The following TASOR2 variants were observed in gnomAD, a reference collection of about 807,000 sequenced individuals.
TASOR2 encodes the protein transcription activation suppressor family member 2.
TASOR2 carries 84 observed loss-of-function variants against 199.5 expected under a neutral mutation model. The ratio of observed to expected loss-of-function variants is 0.42; its 90% CI spans 0.35 to 0.50. TASOR2 has a LOEUF of 0.50. TASOR2 is among the 20% of genes least tolerant of loss of function. TASOR2 has a pLI of 0.02. For synonymous variants in TASOR2, 1,103 were observed against 1,046.6 expected, an observed-to-expected ratio of 1.05 and a Z score of -1.04; for missense variants, 2,796 against 2,835.9, an observed-to-expected ratio of 0.99 and a Z score of 0.32.
chr10:5,691,331 T>G (rs1408689320), intron 1 of TASOR2, among the ~76,000 whole-genome samples: 1 of 152,218 alleles, frequency 6.6e-6, no homozygotes, highest in Non-Finnish European at 1.5e-5. Flanking sequence ...AAATACTTTT[T>G]GTGGTAGACT....
Position 5,697,584 on chromosome 10 carries a change from C to G in TASOR2, c.-288+12409C>G, listed in dbSNP as rs138010825. On this transcript the variant is annotated intron_variant, in intron 1 of 20. Coordinates refer to ENST00000328090, the Ensembl canonical transcript of TASOR2. Reference sequence around the variant, plus strand: ...AGTACTCCTAGAAATGAGTGCATAACCTTGGAAAGCAAGGGTTGTGTCTCT... The same window carrying G: ...AGTACTCCTAGAAATGAGTGCATAAGCTTGGAAAGCAAGGGTTGTGTCTCT... Among the ~76,000 whole-genome samples, 14 of 152,170 alleles carry G rather than the reference C, an allele frequency of 9.2e-5. 2 individuals are homozygous for G. The East Asian group carries it at 2.7e-3, about 29-fold the overall frequency.
At chr10:5,693,929 T>C (rs1836807344) in intron 1 of TASOR2, among the ~76,000 whole-genome samples, 1 of 151,984 alleles carries the variant, frequency 6.6e-6, no homozygotes, top group Non-Finnish European at 1.5e-5. Context: ...CTGGGGAAAA[T>C]AGACCTCTCC....
chr10:5,697,599 G>T (rs1406906055), intron 1 of TASOR2, among the ~76,000 whole-genome samples: 1 of 152,118 alleles, frequency 6.6e-6, no homozygotes, highest in African/African-American at 2.4e-5. Context: ...GAAAGCAAGG[G>T]TTGTGTCTCT....
exon 18 of TASOR2, chr10:5,758,981 A>G (rs1839381338): frequency 1.2e-6 from 2 of 1,611,886 alleles, no homozygotes; most frequent in East Asian, 4.5e-5. Context: ...AAAAGCTAAA[A>G]GAAGATGAAA....
exon 3 of TASOR2, chr10:5,717,667 A>G (rs1252970273): frequency 8.2e-7 from 1 of 1,217,560 alleles, no homozygotes; most frequent in African/African-American, 1.6e-5. Flanking sequence ...AGGTGTATAC[A>G]TTTCCAAATA....
intron 1 of TASOR2, among the ~76,000 whole-genome samples, chr10:5,691,880 T>C (rs1836464160): frequency 6.6e-6 from 1 of 152,190 alleles, no homozygotes; most frequent in African/African-American, 2.4e-5. Context: ...TGTGAAGTAT[T>C]AAAAAACCAT....
intron 15 of TASOR2, among the ~76,000 whole-genome samples, chr10:5,755,158 T>C (rs2131645538): frequency 6.6e-6 from 1 of 152,052 alleles, no homozygotes; most frequent in Admixed American, 6.5e-5. Flanking sequence ...GTCAAATAAA[T>C]GAAGACTAGA....
intron 12 of TASOR2, 135 bp downstream of exon 13, chr10:5,735,681 T>TA: frequency 1.8e-6 from 2 of 1,118,594 alleles, no homozygotes; most frequent in Non-Finnish European, 2.4e-6. Context: ...GTTCAGACAT[T>TA]AAAAAAACTA....
chr10:5,747,927 A>G, exon 15 of TASOR2: 2 of 1,613,828 alleles, frequency 1.2e-6, no homozygotes, highest in Non-Finnish European at 1.7e-6. Context: ...TAACTGAGGA[A>G]ATTGTCTCAA....
At chr10:5,761,553 G>A (rs913908845) in intron 19 of TASOR2, 82 bp downstream of exon 20, 9 of 1,207,560 alleles carry the variant, frequency 7.5e-6, no homozygotes, top group African/African-American at 3.0e-5. Context: ...CTGATGAAGA[G>A]TATCAGGTAT....
chr10:5,699,312 G>A lies in TASOR2; in HGVS notation c.-287-13511G>A, dbSNP rs1169736033. ...CCGAAAGTAAATTATGGTTTCCTAG[G>A]CCTAGGAACCAGTGAGGGGTGAGGA... On this transcript the variant is annotated intron_variant, in intron 1 of 20. Transcript: ENST00000328090. This position sits in a 1 kb window ranked among gnomAD's most constrained non-coding sequence, Gnocchi z 4.1. 2 of 152,116 alleles carry A rather than the reference G, an allele frequency of 1.3e-5. No homozygotes were observed. The highest frequency in any genetic ancestry group is 4.8e-5 in the African/African-American group (2 of 41,422). 9.4% of individuals were successfully genotyped at this position (152,116 alleles called of 1,614,324 possible).
At chr10:5,693,182 A>G (rs1423711341) in intron 1 of TASOR2, among the ~76,000 whole-genome samples, 1 of 152,152 alleles carries the variant, frequency 6.6e-6, no homozygotes, top group East Asian at 1.9e-4. Flanking sequence ...CGAAGGCTTA[A>G]CTTCACTCCT....
At chr10:5,723,762 T>A (rs762944149) in exon 7 of TASOR2, 18 of 1,601,458 alleles carry the variant, frequency 1.1e-5, no homozygotes, top group Non-Finnish European at 1.5e-5. Flanking sequence ...AAAACAGAAT[T>A]ACTTGGAGGA....
At chr10:5,727,035 C>T in intron 9 of TASOR2, 26 bp from the exon 11 acceptor site, 1 of 1,613,894 alleles carries the variant, frequency 6.2e-7, no homozygotes, top group South Asian at 1.1e-5. Flanking sequence ...CCTAACTTTT[C>T]TTCTTCTGAT....
At position 5,752,003 on chromosome 10, in the gene TASOR2, T is replaced by C. The variant is rs1043354740; in HGVS notation, c.6606+1976T>C. On this transcript the variant is annotated intron_variant, in intron 15 of 20. Transcript: ENST00000328090. This position sits in a 1 kb window ranked among gnomAD's most constrained non-coding sequence, Gnocchi z 4.4. Reference sequence around the variant, plus strand: ...GTCCCTCCCAAGTCCCCCTCCCCCATCCTCCTCCCAACCCCAGGTATAATG... The same window carrying C: ...GTCCCTCCCAAGTCCCCCTCCCCCACCCTCCTCCCAACCCCAGGTATAATG... Among the ~76,000 whole-genome samples, 4 of 149,894 alleles carry C rather than the reference T, an allele frequency of 2.7e-5. No homozygotes were observed. In the East Asian group the frequency reaches 8.1e-4, roughly 30 times the overall value.
rs1835939423 is a variant in TASOR2, at chr10:5,687,589, G to C, written c.-288+2414G>C. On this transcript the variant is annotated intron_variant, in intron 1 of 20. Coordinates refer to ENST00000328090, the Ensembl canonical transcript of TASOR2. The surrounding 1 kb of genome is among the most constrained non-coding windows in gnomAD (Gnocchi z 4.8). ...AATCCCAGCACTTTGGGAGGCCAAG[G>C]CAGGTGGATCACTTGAGGTCAGGAG... Among the ~76,000 whole-genome samples the C allele has an allele frequency of 6.6e-6, 1 of 152,252 alleles. No individual in the cohort carries two copies. Among genetic ancestry groups the C allele is most frequent in the Admixed American group, 6.5e-5 (1 of 15,286 alleles).
Position 5,742,816 on chromosome 10 carries a change from A to G in TASOR2, c.2757+290A>G, listed in dbSNP as rs944725684. ...TTTGGGGCAAATTGCTTCTTTGCCT[A>G]ATTTTTAAAAGAGGTGACTTAATAC... On this transcript the variant is annotated intron_variant, in intron 14 of 20. Transcript: ENST00000328090. The surrounding 1 kb of genome is among the most constrained non-coding windows in gnomAD (Gnocchi z 4.2). Among the ~76,000 whole-genome samples, 3 of 152,206 alleles carry G rather than the reference A, an allele frequency of 2.0e-5. No homozygotes were observed. The highest frequency in any genetic ancestry group is 2.0e-4 in the Admixed American group (3 of 15,280).
chr10:5,712,396 T>A, intron 1 of TASOR2: 1 of 1,231,560 alleles, frequency 8.1e-7, no homozygotes, highest in Non-Finnish European at 1.0e-6. Context: ...TTTTACAGTT[T>A]TTGAGACAGT....
Position 5,685,599 on chromosome 10 carries a change from GC to G in TASOR2, c.-288+426del, listed in dbSNP as rs373056655. ...GCTACTCGAGACTTCATGGCAATGC[GC>G]CACCTTTTCTTTTTAGGGTAAAACA... is the stretch of plus-strand genomic sequence containing the variant. On this transcript the variant is annotated intron_variant, in intron 1 of 20. Coordinates refer to ENST00000328090, the Ensembl canonical transcript of TASOR2. The surrounding 1 kb of genome is among the most constrained non-coding windows in gnomAD (Gnocchi z 5.4). Among the ~76,000 whole-genome samples the G allele has an allele frequency of 7.0e-3, 1,062 of 152,264 alleles. 8 individuals carry two copies. Among genetic ancestry groups the G allele is most frequent in the African/African-American group, 0.024 (1,017 of 41,534 alleles).
Sources: allele counts gnomAD v4.1 joint callset (sites outside exome capture counted in the v4.1 genomes callset), GRCh38; gene constraint gnomAD v4.1.1; non-coding constraint Gnocchi (gnomAD v3.1); transcripts MANE v1.5; gene names NCBI Gene and HGNC (gene_info 2026-07-23, HGNC 2026-07-21).